HS6ST1: variants seen among roughly 807,000 people sequenced by gnomAD.
The protein encoded by HS6ST1 is heparan-sulfate 6-O-sulfotransferase 1.
HS6ST1 carries 3 observed loss-of-function variants against 25.2 expected under a neutral mutation model. The observed-to-expected ratio is 0.12, with a 90% CI of 0.05 to 0.31. The LOEUF is 0.31. HS6ST1 is among the 10% of genes least tolerant of loss of function. The probability of loss-of-function intolerance (pLI) is 1.00; values close to 1 mark genes in which losing one functional copy is unlikely to be tolerated. For missense variants in HS6ST1, 310 were observed against 609.6 expected, an observed-to-expected ratio of 0.51 and a Z score of 5.18; for synonymous variants, 204 against 275.1, an observed-to-expected ratio of 0.74 and a Z score of 2.56.
At chr2:128,287,649 G>A (rs906859761) in intron 1 of HS6ST1, among the ~76,000 whole-genome samples, 2 of 152,228 alleles carry the variant, frequency 1.3e-5, no homozygotes, top group Non-Finnish European at 2.9e-5. Flanking sequence ...TCTTCAATGA[G>A]GGGAGAACAG....
Position 128,300,423 on chromosome 2 carries a change from C to T in HS6ST1, c.527+17614G>A, listed in dbSNP as rs895899783. Among the ~76,000 whole-genome samples, 2 of 152,166 alleles carry T rather than the reference C, an allele frequency of 1.3e-5. 1 individual carries two copies. The highest frequency in any genetic ancestry group is 4.1e-4 in the South Asian group (2 of 4,830). On this transcript the variant is annotated intron_variant, in intron 1 of 1. Transcript: ENST00000259241. ...AGGTGTGGCTTCCACAGTACGCCTG[C>T]CCCCAGCCCTGCACCTGGGCCACGT...
At position 128,277,831 on chromosome 2, in the gene HS6ST1, T is replaced by C. The variant is rs76513949; in HGVS notation, c.528-8961A>G. Among the ~76,000 whole-genome samples the C allele has an allele frequency of 7.8e-3, 1,181 of 152,374 alleles. 11 individuals carry two copies. The highest frequency in any genetic ancestry group is 0.025 in the African/African-American group (1,020 of 41,586). ...TGAAATAATTCTAGTCTGCACGAAC[T>C]GCAGCTTCTTGTGAAAGCCCACAGA... On this transcript the variant is annotated intron_variant, in intron 1 of 1. Coordinates refer to ENST00000259241, the MANE Select transcript of HS6ST1 (RefSeq NM_004807.3).
At chr2:128,298,167 G>A (rs574179388) in intron 1 of HS6ST1, among the ~76,000 whole-genome samples, 1 of 152,018 alleles carries the variant, frequency 6.6e-6, no homozygotes, top group African/African-American at 2.4e-5. Flanking sequence ...AAAACAGGAA[G>A]AAATGTTAGC....
chr2:128,293,965 T>C (rs1693996957), intron 1 of HS6ST1, among the ~76,000 whole-genome samples: 1 of 151,956 alleles, frequency 6.6e-6, no homozygotes, highest in Non-Finnish European at 1.5e-5. Flanking sequence ...AGGTTGGGGG[T>C]CCATGCTGAG....
intron 1 of HS6ST1, among the ~76,000 whole-genome samples, chr2:128,272,722 TTG>T (rs966816632): frequency 5.3e-5 from 8 of 152,298 alleles, no homozygotes; most frequent in South Asian, 2.1e-4. Flanking sequence ...CTCGGGTTTT[TTG>T]TGTGTGAGCC....
intron 1 of HS6ST1, among the ~76,000 whole-genome samples, chr2:128,298,605 T>C (rs1694075809): frequency 6.6e-6 from 1 of 151,944 alleles, no homozygotes. Context: ...CTATCTAGAG[T>C]AGCCAAATTC....
At chr2:128,314,870 T>A (rs1310744467) in intron 1 of HS6ST1, among the ~76,000 whole-genome samples, 1 of 152,222 alleles carries the variant, frequency 6.6e-6, no homozygotes, top group Non-Finnish European at 1.5e-5. Flanking sequence ...CAGGGACATT[T>A]CCAGGGTGGC....
intron 1 of HS6ST1, among the ~76,000 whole-genome samples, chr2:128,269,518 C>T (rs72967018): frequency 0.071 from 10,866 of 152,324 alleles, 457 homozygotes; most frequent in Non-Finnish European, 0.092. Context: ...CCCTCCCCTG[C>T]GCGGCAGGAG....
At chr2:128,308,901 T>A (rs1694249225) in intron 1 of HS6ST1, among the ~76,000 whole-genome samples, 1 of 152,154 alleles carries the variant, frequency 6.6e-6, no homozygotes, top group Admixed American at 6.5e-5. Context: ...CTCTTCCCTG[T>A]CTCCAGGACA....
intron 1 of HS6ST1, among the ~76,000 whole-genome samples, chr2:128,279,481 C>T (rs17016077): frequency 0.1 from 15,650 of 151,970 alleles, 2,590 homozygotes; most frequent in African/African-American, 0.35. Flanking sequence ...ACATTCTAGC[C>T]CCCAAGGACA....
Position 128,268,211 on chromosome 2 carries a change from C to T in HS6ST1, c.1187G>A (p.Gly396Asp). The T allele has an allele frequency of 2.5e-6, 4 of 1,610,008 alleles. No individual in the cohort carries two copies. Among genetic ancestry groups the T allele is most frequent in the Non-Finnish European group, 3.4e-6 (4 of 1,179,016 alleles). Residue 396 changes from glycine to aspartate, a missense_variant, in exon 2 of 2, where the codon GGC (glycine) becomes GAC (aspartate). By Grantham distance (94) the Gly-to-Asp change is moderately conservative (BLOSUM62 -1). Coordinates refer to ENST00000259241, the MANE Select transcript of HS6ST1 (RefSeq NM_004807.3). The part of the protein sequence containing the change: ...ALPREDADEP[G>D]RVPTEDYMSH... Reference sequence around the variant, plus strand: ...CATGTAGTCCTCGGTGGGCACGCGGCCCGGCTCGTCGGCATCCTCCCGCGG... The same window carrying T: ...CATGTAGTCCTCGGTGGGCACGCGGTCCGGCTCGTCGGCATCCTCCCGCGG...
At chr2:128,286,072 C>T (rs1693855975) in intron 1 of HS6ST1, among the ~76,000 whole-genome samples, 1 of 152,236 alleles carries the variant, frequency 6.6e-6, no homozygotes, top group Non-Finnish European at 1.5e-5. Context: ...AGCCACTTCC[C>T]AGACTGGCGA....
At chr2:128,275,492 G>C (rs1404159581) in intron 1 of HS6ST1, among the ~76,000 whole-genome samples, 1 of 152,162 alleles carries the variant, frequency 6.6e-6, no homozygotes, top group Admixed American at 6.5e-5. Context: ...AGAGAAAGCG[G>C]ATCTGCTGGC....
intron 1 of HS6ST1, among the ~76,000 whole-genome samples, chr2:128,313,000 T>C (rs573682207): frequency 2.6e-5 from 4 of 152,086 alleles, no homozygotes; most frequent in African/African-American, 9.6e-5. Flanking sequence ...TAGGCAGAGG[T>C]TGCAGTGAGC....
intron 1 of HS6ST1, among the ~76,000 whole-genome samples, chr2:128,288,527 T>A (rs1331286940): frequency 6.6e-6 from 1 of 152,160 alleles, no homozygotes; most frequent in Non-Finnish European, 1.5e-5. Context: ...AGCTTGTGGG[T>A]ACAGCCTGAT....
intron 1 of HS6ST1, among the ~76,000 whole-genome samples, chr2:128,313,450 T>C (rs556925953): frequency 6.6e-6 from 1 of 152,186 alleles, no homozygotes; most frequent in African/African-American, 2.4e-5. Flanking sequence ...ATGGCTTCAA[T>C]TACAGTGGAA....
chr2:128,279,554 C>T (rs532219402), intron 1 of HS6ST1, among the ~76,000 whole-genome samples: 7 of 152,126 alleles, frequency 4.6e-5, no homozygotes, highest in African/African-American at 1.7e-4. Flanking sequence ...GCTTTGATCT[C>T]CCAGGGACCA....
intron 1 of HS6ST1, among the ~76,000 whole-genome samples, chr2:128,295,924 T>C (rs1024021904): frequency 6.6e-6 from 1 of 152,252 alleles, no homozygotes; most frequent in Non-Finnish European, 1.5e-5. Flanking sequence ...AAACTCATGT[T>C]GAAGTCCTAA....
intron 1 of HS6ST1, among the ~76,000 whole-genome samples, chr2:128,310,228 G>A (rs1334585097): frequency 2.0e-5 from 3 of 152,196 alleles, no homozygotes; most frequent in African/African-American, 7.2e-5. Flanking sequence ...CTCAGCGCCT[G>A]GTCTGCACAG....
Sources: gnomAD v4.1 joint callset for allele counts (sites outside exome capture counted in the v4.1 genomes callset) on GRCh38, gnomAD v4.1.1 for gene constraint, MANE v1.5 for transcripts, NCBI Gene and HGNC (gene_info 2026-07-23, HGNC 2026-07-21) for gene names.